UNC80: variants seen among roughly 807,000 people sequenced by gnomAD.
The protein encoded by UNC80 is protein unc-80 homolog.
Under a neutral mutation model 384.6 loss-of-function variants are expected in UNC80, and 164 were observed. That is an observed-to-expected ratio of 0.43 (90% CI 0.38 to 0.49). The LOEUF (loss-of-function observed/expected upper bound fraction) is 0.49, where lower values mean the gene tolerates loss of function less well. Ranked by LOEUF, UNC80 falls within the 20% of genes least tolerant of loss-of-function variation. The pLI, the probability that UNC80 is intolerant of heterozygous loss-of-function variation, is 0.00. For synonymous variants in UNC80, 1,486 were observed against 1,527.8 expected, an observed-to-expected ratio of 0.97 and a Z score of 0.64; for missense variants, 3,330 against 4,143.0, an observed-to-expected ratio of 0.80 and a Z score of 5.39.
chr2:209,866,163 C>T (rs1418723540), intron 22 of UNC80, among the ~76,000 whole-genome samples: 1 of 151,912 alleles, frequency 6.6e-6, no homozygotes, highest in Non-Finnish European at 1.5e-5. Flanking sequence ...AATATTGTGT[C>T]GTTCACATTT....
intron 56 of UNC80, among the ~76,000 whole-genome samples, chr2:209,974,497 G>A (rs757670929): frequency 6.6e-6 from 1 of 152,196 alleles, no homozygotes; most frequent in Non-Finnish European, 1.5e-5. Flanking sequence ...TCCACTGTCT[G>A]CCTTTTCAGT....
chr2:209,954,916 G>T (rs1356508571), intron 48 of UNC80, among the ~76,000 whole-genome samples: 2 of 152,140 alleles, frequency 1.3e-5, no homozygotes, highest in African/African-American at 4.8e-5. Flanking sequence ...GTCGCAAGAT[G>T]CTTGGGTGCC....
At chr2:209,829,447 GA>G (rs2080794565) in intron 15 of UNC80, 68 bp downstream of exon 15, 1 of 1,501,096 alleles carries the variant, frequency 6.7e-7, no homozygotes. Context: ...GTTTCAAGGG[GA>G]CACTAAATTT....
chr2:209,894,126 A>AG (rs2086597930), intron 26 of UNC80, 37 bp from the exon 27 acceptor site: 3 of 982,532 alleles, frequency 3.1e-6, no homozygotes, highest in South Asian at 9.4e-5. Context: ...GGGGAACACT[A>AG]GGGGGGAAAA....
At position 209,918,570 on chromosome 2, in the gene UNC80, G is replaced by A. The variant is rs376345036; in HGVS notation, c.5250G>A (p.Pro1750=). 39 of 1,551,966 alleles carry A rather than the reference G, an allele frequency of 2.5e-5. No homozygotes were observed. Among genetic ancestry groups the A allele is most frequent in the African/African-American group, 1.2e-4 (9 of 72,988 alleles). Reference sequence around the variant, plus strand: ...GTATCAATTTCACCCTTCCCTCGCCGGTGCTTGGAATGCCATCCGTCCCAA... The same window carrying A: ...GTATCAATTTCACCCTTCCCTCGCCAGTGCTTGGAATGCCATCCGTCCCAA... ...PPSINFTLPS[P]VLGMPSVPMF... Residue 1750 remains proline (P), a synonymous_variant, in exon 33 of 65, where the codon CCG becomes CCA. Coordinates refer to ENST00000673920, the MANE Select transcript of UNC80 (RefSeq NM_001371986.1).
intron 37 of UNC80, among the ~76,000 whole-genome samples, chr2:209,930,280 T>C (rs2090751778): frequency 6.6e-6 from 1 of 152,110 alleles, no homozygotes; most frequent in Admixed American, 6.6e-5. Flanking sequence ...TGCTTGGCAG[T>C]CTGATGCAGG....
At chr2:209,881,614 C>T (rs1373310898) in intron 25 of UNC80, among the ~76,000 whole-genome samples, 1 of 151,098 alleles carries the variant, frequency 6.6e-6, no homozygotes, top group African/African-American at 2.5e-5. Flanking sequence ...TAAGACCATG[C>T]ATGTGTGCAT....
chr2:209,964,668 G>C (rs2125006121), intron 51 of UNC80, among the ~76,000 whole-genome samples: 1 of 151,714 alleles, frequency 6.6e-6, no homozygotes, highest in African/African-American at 2.4e-5. Context: ...TGCGCCTGTA[G>C]TCCCAGCTAC....
intron 5 of UNC80, 137 bp from the exon 6 acceptor site, chr2:209,789,395 A>C: frequency 1.6e-6 from 1 of 618,244 alleles, no homozygotes; most frequent in South Asian, 2.2e-5. Flanking sequence ...AATATCTCTT[A>C]CAATATGCGT....
chr2:209,846,241 A>G (rs947107953), intron 21 of UNC80, among the ~76,000 whole-genome samples: 1 of 152,182 alleles, frequency 6.6e-6, no homozygotes, highest in African/African-American at 2.4e-5. Flanking sequence ...TTTAAAATTT[A>G]AAAGTTATTC....
At position 209,820,516 on chromosome 2, in the gene UNC80, G is replaced by A. The variant is rs1242758106; in HGVS notation, c.2168G>A (p.Gly723Glu). The change falls in exon 13 of 65, where the codon GGA becomes GAA. Residue 723 changes from glycine (G) to glutamate (E), a missense_variant. Physicochemically the swap from Gly to Glu is moderately conservative, Grantham distance 98. This residue lies in a region of UNC80 where 937 missense variants were observed against 1,026.8 expected (regional missense o/e 0.91). Coordinates refer to ENST00000673920, the MANE Select transcript of UNC80 (RefSeq NM_001371986.1). ...EGAFQFKGVS[G>E]SSTCGFGGPA... ...GCTTTCCAATTCAAAGGAGTATCTG[G>A]AAGTTCCACCTGTGGATTCGGAGGC... 4 of 1,551,612 alleles carry A rather than the reference G, an allele frequency of 2.6e-6. No individual in the cohort carries two copies. In the Admixed American group the frequency reaches 7.8e-5, roughly 30 times the overall value.
chr2:209,842,740 A>G (rs2081858644), intron 21 of UNC80, among the ~76,000 whole-genome samples: 1 of 152,210 alleles, frequency 6.6e-6, no homozygotes, highest in East Asian at 1.9e-4. Flanking sequence ...CAAAACTTCC[A>G]GAGATCCTTT....
intron 7 of UNC80, among the ~76,000 whole-genome samples, chr2:209,800,819 G>A (rs928769942): frequency 5.9e-5 from 9 of 152,104 alleles, no homozygotes; most frequent in Non-Finnish European, 1.2e-4. Context: ...TATTTACCCA[G>A]GAGTCATTCA....
intron 22 of UNC80, among the ~76,000 whole-genome samples, chr2:209,859,015 A>G (rs1008366896): frequency 9.2e-5 from 14 of 152,162 alleles, no homozygotes; most frequent in Non-Finnish European, 2.1e-4. Context: ...ATGTTTATAG[A>G]AATCACATAC....
chr2:209,794,811 C>T (rs1402695539), intron 7 of UNC80: 3 of 454,634 alleles, frequency 6.6e-6, no homozygotes, highest in Non-Finnish European at 1.3e-5. Flanking sequence ...CTTTCACTTC[C>T]CACCATGATT....
At chr2:209,803,310 A>G (rs969801698) in intron 7 of UNC80, among the ~76,000 whole-genome samples, 1 of 152,182 alleles carries the variant, frequency 6.6e-6, no homozygotes, top group Non-Finnish European at 1.5e-5. Flanking sequence ...CTCTTCCTAT[A>G]TTAGCCTTCC....
intron 22 of UNC80, among the ~76,000 whole-genome samples, chr2:209,853,040 T>C (rs899456579): frequency 2.0e-5 from 3 of 152,076 alleles, no homozygotes; most frequent in African/African-American, 7.2e-5. Context: ...TAGATATAGA[T>C]AGATATACAT....
At chr2:209,971,464 C>A (rs866879185) in intron 54 of UNC80, among the ~76,000 whole-genome samples, 755 of 133,256 alleles carry the variant, frequency 5.7e-3, no homozygotes, top group Middle Eastern at 0.012. Flanking sequence ...ATTCCCAAGG[C>A]AAAAAAAAAA....
At position 209,890,201 on chromosome 2, in the gene UNC80, A is replaced by G. The variant is rs11893171; in HGVS notation, c.4276+1941A>G. On this transcript the variant is annotated intron_variant, in intron 26 of 64. Transcript: ENST00000673920. Reference sequence around the variant, plus strand: ...CAACTCACAGTTATCTAATATGTCTATGTTTCTATGTGTGATAATGTCCTC... The same window carrying G: ...CAACTCACAGTTATCTAATATGTCTGTGTTTCTATGTGTGATAATGTCCTC... 8.9e-3 allele frequency among the ~76,000 whole-genome samples: 1,350 copies of G among 152,288 alleles called. 19 individuals carry two copies. The highest frequency in any genetic ancestry group is 0.031 in the African/African-American group (1,294 of 41,570).
Sources: gnomAD v4.1 joint callset for allele counts (sites outside exome capture counted in the v4.1 genomes callset) on GRCh38, gnomAD v4.1.1 for gene constraint, gnomAD v4.1.1 regional missense constraint, MANE v1.5 for transcripts, NCBI Gene and HGNC (gene_info 2026-07-23, HGNC 2026-07-21) for gene names.